Variants in STEAP2 observed in about 807,000 individuals in gnomAD.
STEAP2 encodes STEAP2 metalloreductase.
A neutral mutation model predicts 46.4 loss-of-function variants in STEAP2; 30 were observed. The ratio of observed to expected loss-of-function variants is 0.65; its 90% confidence interval spans 0.48 to 0.88. The LOEUF (loss-of-function observed/expected upper bound fraction) is 0.88. Ranked by LOEUF, STEAP2 falls within the 40% of genes least tolerant of loss-of-function variation. The pLI is 0.00. For missense variants in STEAP2, 513 were observed against 579.3 expected (o/e 0.89, Z 1.18); for synonymous variants, 180 against 200.5 (o/e 0.90, Z 0.86).
chr7:90,232,147 AATAC>A (rs1345398383), intron 5 of STEAP2, among the ~76,000 whole-genome samples, 186 bp from the exon 6 acceptor site: 1 of 151,928 alleles, frequency 6.6e-6, no homozygotes, highest in Non-Finnish European at 1.5e-5. Flanking sequence ...GCATATAAAT[AATAC>A]ATATATATGC....
intron 2 of STEAP2, among the ~76,000 whole-genome samples, chr7:90,216,808 C>A (rs187359496): frequency 1.2e-4 from 18 of 152,270 alleles, no homozygotes; most frequent in Admixed American, 1.1e-3. Flanking sequence ...AATGCTGTTG[C>A]TCAGGATGAA....
At chr7:90,224,774 CT>C (rs1296760721) in intron 2 of STEAP2, among the ~76,000 whole-genome samples, 1 of 152,228 alleles carries the variant, frequency 6.6e-6, no homozygotes, top group Non-Finnish European at 1.5e-5. Flanking sequence ...CCGAAGTGAT[CT>C]GTGTGCACAT....
rs936597856 is a variant in STEAP2, at chr7:90,225,472, T to A, written c.390T>A (p.Ala130=). ...MRINQYPESN[A]EYLASLFPDS... is the part of the protein sequence containing the mutation. ...TAAACCAGTACCCAGAATCCAATGC[T>A]GAATATTTGGCTTCATTATTCCCAG... Residue 130 remains alanine (A), a synonymous_variant, in exon 3 of 6, where the codon GCT becomes GCA. Transcript: ENST00000394621. The A allele has an allele frequency of 2.5e-6, 4 of 1,613,774 alleles. No individual in the cohort carries two copies. The highest frequency in any genetic ancestry group is 3.4e-6 in the Non-Finnish European group (4 of 1,179,924).
At position 90,234,877 on chromosome 7, in the gene STEAP2, C is replaced by T. The variant is rs1795908231; in HGVS notation, c.*2253C>T. The stretch of plus-strand genomic sequence containing the variant: ...TATTATCTTGTACTTTCTAACTGAG[C>T]CCTCTATTTTCTTTATTTTAATAAT... On this transcript the variant is annotated 3_prime_UTR_variant, in exon 6 of 6. Coordinates refer to ENST00000394621, the MANE Select transcript of STEAP2 (RefSeq NM_001244944.2). 1.0e-5 allele frequency: 10 copies of T among 985,092 alleles called. No homozygotes were observed. Among genetic ancestry groups the T allele is most frequent in the Non-Finnish European group, 1.2e-5 (10 of 829,768 alleles). 61.0% of individuals were successfully genotyped at this position (985,092 alleles called of 1,614,324 possible). A position where few individuals can be genotyped will look rare whatever the true frequency, so the allele number is the denominator to read the frequency against.
chr7:90,219,471 C>T (rs1157839968), intron 2 of STEAP2, among the ~76,000 whole-genome samples: 1 of 151,908 alleles, frequency 6.6e-6, no homozygotes, highest in Non-Finnish European at 1.5e-5. Flanking sequence ...TTTTTCTATC[C>T]CTAGTTTGTT....
At chr7:90,213,426 G>T (rs189880285) in intron 1 of STEAP2, among the ~76,000 whole-genome samples, 2 of 152,266 alleles carry the variant, frequency 1.3e-5, no homozygotes, top group African/African-American at 2.4e-5. Context: ...AAGACTGCAG[G>T]CGTGATAAAG....
At chr7:90,218,053 C>T (rs1251709743) in intron 2 of STEAP2, among the ~76,000 whole-genome samples, 1 of 152,030 alleles carries the variant, frequency 6.6e-6, no homozygotes, top group Non-Finnish European at 1.5e-5. Context: ...TACCTATTAA[C>T]CATTTGTTTG....
Position 90,227,003 on chromosome 7 carries a change from A to G in STEAP2, c.525A>G (p.Arg175=). The change falls in exon 4 of 6, where the codon CGA becomes CGG. Residue 175 remains arginine, a synonymous_variant. Coordinates refer to ENST00000394621, the MANE Select transcript of STEAP2 (RefSeq NM_001244944.2). ...TATGCAGCAACAATATTCAAGCGCG[A>G]CAACAGGTTATTGAACTTGCCCGCC... ...VYICSNNIQA[R]QQVIELARQL... is the part of the protein sequence containing the mutation. 1 of 1,607,506 alleles carries G rather than the reference A, an allele frequency of 6.2e-7. No homozygotes were observed. The highest frequency in any genetic ancestry group is 8.5e-7 in the Non-Finnish European group (1 of 1,177,694).
chr7:90,226,582 C>T (rs1302443174), intron 3 of STEAP2, among the ~76,000 whole-genome samples: 1 of 152,114 alleles, frequency 6.6e-6, no homozygotes, highest in Non-Finnish European at 1.5e-5. Flanking sequence ...GTTATATTGT[C>T]ACCATTATGT....
chr7:90,226,606 C>G (rs980961347), intron 3 of STEAP2, among the ~76,000 whole-genome samples: 1 of 152,080 alleles, frequency 6.6e-6, no homozygotes, highest in Non-Finnish European at 1.5e-5. Flanking sequence ...TAGAAACATG[C>G]AAATATTTCT....
chr7:90,241,948 A>T (rs1796068174), downstream of STEAP2, among the ~76,000 whole-genome samples: 2 of 152,218 alleles, frequency 1.3e-5, no homozygotes, highest in Non-Finnish European at 1.5e-5. Flanking sequence ...TGCAAATGTT[A>T]TGCGGGAGGA....
At chr7:90,241,949 T>C (rs867948568), downstream of STEAP2, among the ~76,000 whole-genome samples, 16 of 152,220 alleles carry the variant, frequency 1.1e-4, no homozygotes, top group African/African-American at 3.4e-4. Context: ...GCAAATGTTA[T>C]GCGGGAGGAA....
intron 4 of STEAP2, among the ~76,000 whole-genome samples, chr7:90,228,362 T>A (rs1037672694): frequency 2.0e-5 from 3 of 151,222 alleles, no homozygotes; most frequent in Non-Finnish European, 3.0e-5. Flanking sequence ...AAATAATATT[T>A]TTCTAATTAG....
chr7:90,236,846 A>G lies in STEAP2; in HGVS notation c.*4222A>G, dbSNP rs1795976542. The G allele has an allele frequency of 6.2e-7, 1 of 1,610,896 alleles. No homozygotes were observed. Among genetic ancestry groups the G allele is most frequent in the Non-Finnish European group, 8.5e-7 (1 of 1,178,616 alleles). ...AGCAGATGCTTTTGTATGATCTCCA[A>G]ATTGCCAACTTTAAGGAAATATTCT... is the stretch of plus-strand genomic sequence containing the variant. On this transcript the variant is annotated 3_prime_UTR_variant, in exon 6 of 6. Transcript: ENST00000394621.
At chr7:90,227,880 G>A (rs1795567465) in intron 4 of STEAP2, among the ~76,000 whole-genome samples, 1 of 152,088 alleles carries the variant, frequency 6.6e-6, no homozygotes, top group Admixed American at 6.6e-5. Flanking sequence ...AATAAAATTA[G>A]AACCAGTAAA....
Position 90,233,168 on chromosome 7 carries a change from G to T in STEAP2, c.*544G>T. On this transcript the variant is annotated 3_prime_UTR_variant, in exon 6 of 6. Coordinates refer to ENST00000394621, the MANE Select transcript of STEAP2 (RefSeq NM_001244944.2). ...TAGGATTTGAAGGATGAAATTAATT[G>T]TATGAAGCAATGTGATTATATGAAG... 3.1e-6 allele frequency: 3 copies of T among 981,418 alleles called. No individual in the cohort carries two copies. The highest frequency in any genetic ancestry group is 3.6e-6 in the Non-Finnish European group (3 of 826,670). 60.8% of individuals were successfully genotyped at this position (981,418 alleles called of 1,614,324 possible).
At chr7:90,219,725 G>A (rs746755112) in intron 2 of STEAP2, among the ~76,000 whole-genome samples, 4 of 151,920 alleles carry the variant, frequency 2.6e-5, no homozygotes, top group South Asian at 2.1e-4. Flanking sequence ...ACACACACGC[G>A]CGCACACACA....
chr7:90,224,957 T>C, intron 2 of STEAP2, 93 bp from the exon 3 acceptor site: 3 of 1,079,142 alleles, frequency 2.8e-6, no homozygotes, highest in Non-Finnish European at 4.0e-6. Context: ...GTGAAATATT[T>C]TACCTCTAGA....
Position 90,225,559 on chromosome 7 carries a change from G to A in STEAP2, c.477G>A (p.Lys159=). The change falls in exon 3 of 6, where the codon AAG becomes AAA. Residue 159 remains lysine (K), a synonymous_variant. Coordinates refer to ENST00000394621, the MANE Select transcript of STEAP2 (RefSeq NM_001244944.2). ...VSAWALQLGP[K]DASRQVYICS... The stretch of plus-strand genomic sequence containing the variant: ...CTTGGGCACTTCAGTTAGGACCTAA[G>A]GATGCCAGCCGGCAGGTATGTATTT... The A allele has an allele frequency of 6.3e-7, 1 of 1,595,114 alleles. No homozygotes were observed. The highest frequency in any genetic ancestry group is 1.4e-5 in the African/African-American group (1 of 74,006).
Sources: allele counts gnomAD v4.1 joint callset (sites outside exome capture counted in the v4.1 genomes callset), GRCh38; gene constraint gnomAD v4.1.1; transcripts MANE v1.5; gene names NCBI Gene and HGNC (gene_info 2026-07-23, HGNC 2026-07-21).